Variants in GALNTL6 observed in about 807,000 individuals in gnomAD.
GALNTL6 encodes polypeptide N-acetylgalactosaminyltransferase-like 6.
A neutral mutation model predicts 73.7 loss-of-function variants in GALNTL6; 46 were observed. The ratio of observed to expected loss-of-function variants is 0.62; its 90% CI spans 0.49 to 0.80. The LOEUF is 0.80. Ranked by LOEUF, GALNTL6 falls within the 30% of genes least tolerant of loss-of-function variation. The pLI is 0.00. For missense variants in GALNTL6, 604 were observed against 755.0 expected, an observed-to-expected ratio of 0.80 and a Z score of 2.34; for synonymous variants, 259 against 263.7, an observed-to-expected ratio of 0.98 and a Z score of 0.17.
intron 5 of GALNTL6, among the ~76,000 whole-genome samples, chr4:172,763,195 G>GA (rs368514530): frequency 0.051 from 7,150 of 139,040 alleles, 294 homozygotes; most frequent in African/African-American, 0.11. Flanking sequence ...GCCATGAATT[G>GA]AAAAAAAAAA....
At chr4:172,863,187 A>G (rs1744488281) in intron 7 of GALNTL6, among the ~76,000 whole-genome samples, 1 of 152,234 alleles carries the variant, frequency 6.6e-6, no homozygotes. Context: ...CTGCTAGGGC[A>G]GTGAAAAAGG....
At chr4:172,461,037 A>G (rs1429510738) in intron 5 of GALNTL6, among the ~76,000 whole-genome samples, 3 of 152,246 alleles carry the variant, frequency 2.0e-5, no homozygotes, top group African/African-American at 4.8e-5. Context: ...CTATGCAGCC[A>G]TAAAAAATGA....
rs1268196009 is a variant in GALNTL6, at chr4:172,285,373, A to G, written c.248-26241A>G. ...TATATCCTGGCCTAAAATAAATTAC[A>G]TTGATACCTAATCCCCATCCTGCCA... On this transcript the variant is annotated intron_variant, in intron 3 of 12. Transcript: ENST00000506823. 4.6e-5 allele frequency among the ~76,000 whole-genome samples: 7 copies of G among 152,210 alleles called. No individual in the cohort carries two copies. The East Asian group carries it at 1.3e-3, about 29-fold the overall frequency.
At chr4:172,834,641 C>A (rs994139422) in intron 7 of GALNTL6, among the ~76,000 whole-genome samples, 1 of 152,192 alleles carries the variant, frequency 6.6e-6, no homozygotes, top group African/African-American at 2.4e-5. Flanking sequence ...GTCAGGGTGG[C>A]CCCTGACAAA....
chr4:172,023,517 T>C (rs1450332164), intron 2 of GALNTL6, among the ~76,000 whole-genome samples: 1 of 151,834 alleles, frequency 6.6e-6, no homozygotes, highest in Non-Finnish European at 1.5e-5. Flanking sequence ...CTTATAAGAG[T>C]AAAATGATTG....
chr4:172,496,875 G>T (rs370192110), intron 5 of GALNTL6, among the ~76,000 whole-genome samples: 8 of 152,242 alleles, frequency 5.3e-5, no homozygotes, highest in Admixed American at 3.9e-4. Flanking sequence ...ATGTGCAAAA[G>T]ATTAAACTTA....
At chr4:172,345,180 C>T (rs1741698921) in intron 4 of GALNTL6, among the ~76,000 whole-genome samples, 1 of 151,594 alleles carries the variant, frequency 6.6e-6, no homozygotes, top group African/African-American at 2.4e-5. Flanking sequence ...GTCACACAGG[C>T]AGTAAATGGC....
At chr4:172,294,998 T>A (rs987182844) in intron 3 of GALNTL6, among the ~76,000 whole-genome samples, 30 of 152,228 alleles carry the variant, frequency 2.0e-4, no homozygotes, top group African/African-American at 7.0e-4. Flanking sequence ...ATGTTATCTT[T>A]TTAAAATATA....
chr4:172,605,555 A>G (rs1267572089), intron 5 of GALNTL6, among the ~76,000 whole-genome samples: 1 of 152,202 alleles, frequency 6.6e-6, no homozygotes, highest in Non-Finnish European at 1.5e-5. Context: ...AAACATATTA[A>G]GAACTTCTAG....
intron 2 of GALNTL6, among the ~76,000 whole-genome samples, chr4:172,077,470 A>C (rs1397764294): frequency 6.6e-6 from 1 of 152,162 alleles, no homozygotes; most frequent in Non-Finnish European, 1.5e-5. Context: ...AGAGCCTGGC[A>C]GCTTTTGCCC....
At chr4:172,464,562 C>T (rs1033320852) in intron 5 of GALNTL6, among the ~76,000 whole-genome samples, 2 of 151,852 alleles carry the variant, frequency 1.3e-5, no homozygotes, top group Non-Finnish European at 2.9e-5. Context: ...ACAAAATTAG[C>T]CGAGTGTGGT....
intron 2 of GALNTL6, among the ~76,000 whole-genome samples, chr4:172,054,518 T>A (rs1314530263): frequency 6.6e-6 from 1 of 152,118 alleles, no homozygotes; most frequent in Non-Finnish European, 1.5e-5. Context: ...CAATATCCGG[T>A]GAAGTCCCAC....
At chr4:172,263,625 T>G (rs1267413814) in intron 3 of GALNTL6, among the ~76,000 whole-genome samples, 1 of 151,646 alleles carries the variant, frequency 6.6e-6, no homozygotes, top group African/African-American at 2.4e-5. Flanking sequence ...TGAGAATTTC[T>G]AATTCTAGAA....
intron 5 of GALNTL6, among the ~76,000 whole-genome samples, chr4:172,560,654 A>T (rs1490534484): frequency 6.6e-6 from 1 of 152,144 alleles, no homozygotes; most frequent in Non-Finnish European, 1.5e-5. Context: ...GAAGTCTGAG[A>T]TTTTTTGTTG....
intron 9 of GALNTL6, among the ~76,000 whole-genome samples, chr4:172,940,822 G>A (rs1034204192): frequency 3.9e-5 from 6 of 151,974 alleles, no homozygotes; most frequent in South Asian, 4.2e-4. Context: ...ACAGGCACAC[G>A]CCATCATGCC....
chr4:172,072,540 A>C (rs1731576155), intron 2 of GALNTL6, among the ~76,000 whole-genome samples: 1 of 152,146 alleles, frequency 6.6e-6, no homozygotes, highest in Admixed American at 6.6e-5. Context: ...AAGGCATCTC[A>C]AACTTCTAGG....
At chr4:172,067,069 G>T (rs538862308) in intron 2 of GALNTL6, among the ~76,000 whole-genome samples, 2 of 151,496 alleles carry the variant, frequency 1.3e-5, no homozygotes, top group South Asian at 4.2e-4. Flanking sequence ...TTTCACCATG[G>T]TTCTTATTCC....
intron 3 of GALNTL6, among the ~76,000 whole-genome samples, chr4:172,275,935 C>A (rs889018964): frequency 6.6e-6 from 1 of 152,200 alleles, no homozygotes; most frequent in African/African-American, 2.4e-5. Context: ...CCAGCCAGGA[C>A]AACACAGTGA....
chr4:172,896,043 C>T (rs780790209), intron 8 of GALNTL6, among the ~76,000 whole-genome samples: 9 of 152,134 alleles, frequency 5.9e-5, no homozygotes, highest in Non-Finnish European at 1.2e-4. Context: ...CCTTTAGGTT[C>T]GTTGACTTCC....
Sources: gnomAD v4.1 joint callset for allele counts (sites outside exome capture counted in the v4.1 genomes callset) on GRCh38, gnomAD v4.1.1 for gene constraint, MANE v1.5 for transcripts, NCBI Gene and HGNC (gene_info 2026-07-23, HGNC 2026-07-21) for gene names.